CDH13: variants seen among roughly 807,000 people sequenced by gnomAD.
CDH13 encodes the protein cadherin-13.
In CDH13, 24 loss-of-function variants were observed where a neutral mutation model predicts 63.8. The ratio of observed to expected loss-of-function variants is 0.38; its 90% CI spans 0.27 to 0.53. CDH13 has a LOEUF of 0.53. CDH13 is among the 20% of genes least tolerant of loss of function. CDH13 has a pLI of 0.85. For synonymous variants in CDH13, 503 were observed against 355.3 expected (o/e 1.42, Z -4.67); for missense variants, 1,049 against 903.1 (o/e 1.16, Z -2.07).
At chr16:83,677,174 AC>A (rs1431553303) in intron 9 of CDH13, among the ~76,000 whole-genome samples, 1 of 152,216 alleles carries the variant, frequency 6.6e-6, no homozygotes, top group African/African-American at 2.4e-5. Flanking sequence ...TGCTGCACCC[AC>A]CACATCATGT....
chr16:83,519,734 A>G (rs1025776262), intron 7 of CDH13, among the ~76,000 whole-genome samples: 6 of 152,166 alleles, frequency 3.9e-5, no homozygotes, highest in Admixed American at 6.5e-5. Flanking sequence ...TGGTGCGGGG[A>G]GAGGAAAGAA....
At chr16:83,453,146 C>G (rs2072928015) in intron 6 of CDH13, among the ~76,000 whole-genome samples, 1 of 152,122 alleles carries the variant, frequency 6.6e-6, no homozygotes, top group Non-Finnish European at 1.5e-5. Flanking sequence ...TGTGTGTTCT[C>G]ATCTGTGGGA....
At chr16:83,309,135 A>C (rs1258361490) in intron 5 of CDH13, among the ~76,000 whole-genome samples, 1 of 152,072 alleles carries the variant, frequency 6.6e-6, no homozygotes, top group Non-Finnish European at 1.5e-5. Context: ...TTTCTTCTGC[A>C]TGTACATGAG....
chr16:82,745,290 C>T (rs187361563), intron 1 of CDH13, among the ~76,000 whole-genome samples: 4 of 152,198 alleles, frequency 2.6e-5, no homozygotes, highest in Admixed American at 6.5e-5. Flanking sequence ...CTTTCCCAAC[C>T]GAATGCATTA....
chr16:82,697,423 C>CTTTTTTTTTTT (rs34376129), intron 1 of CDH13, among the ~76,000 whole-genome samples: 43 of 54,884 alleles, frequency 7.8e-4, no homozygotes, highest in East Asian at 1.3e-3. Context: ...TTTCTTTTTT[C>CTTTTTTTTTTT]TTTTTTTTTT....
intron 1 of CDH13, among the ~76,000 whole-genome samples, chr16:82,739,392 T>C (rs1053017303): frequency 4.6e-5 from 7 of 152,194 alleles, no homozygotes; most frequent in African/African-American, 1.7e-4. Flanking sequence ...TTAGAAGCTT[T>C]CTTAGTCCCT....
At chr16:83,354,814 C>G (rs2091022070) in intron 6 of CDH13, among the ~76,000 whole-genome samples, 1 of 152,188 alleles carries the variant, frequency 6.6e-6, no homozygotes, top group Non-Finnish European at 1.5e-5. Flanking sequence ...AAACTATGGG[C>G]CATGGGCCAA....
intron 5 of CDH13, among the ~76,000 whole-genome samples, chr16:83,305,328 G>C (rs1158390101): frequency 6.6e-6 from 1 of 152,196 alleles, no homozygotes; most frequent in Non-Finnish European, 1.5e-5. Context: ...TCTGTTTCTA[G>C]GCATCCAGCT....
chr16:83,690,976 C>A (rs1449526580), intron 10 of CDH13, among the ~76,000 whole-genome samples: 1 of 152,078 alleles, frequency 6.6e-6, no homozygotes, highest in Non-Finnish European at 1.5e-5. Context: ...CCTGCCTCGG[C>A]CTCCCAAAGT....
chr16:82,990,547 GTTT>G (rs369121464), intron 2 of CDH13, among the ~76,000 whole-genome samples: 1 of 139,884 alleles, frequency 7.1e-6, no homozygotes, highest in African/African-American at 2.6e-5. Context: ...TTTGGTTTGG[GTTT>G]TTTTTTTTTT....
intron 1 of CDH13, among the ~76,000 whole-genome samples, chr16:82,785,525 C>T (rs558383086): frequency 6.6e-6 from 1 of 152,136 alleles, no homozygotes; most frequent in Non-Finnish European, 1.5e-5. Flanking sequence ...GAGAGAGGTA[C>T]AAGATAAATC....
intron 1 of CDH13, among the ~76,000 whole-genome samples, chr16:82,840,343 C>T (rs1293592424): frequency 6.9e-6 from 1 of 144,606 alleles, no homozygotes; most frequent in Non-Finnish European, 1.5e-5. Context: ...TGCCTTCAAA[C>T]AAGTGGGCTA....
intron 6 of CDH13, among the ~76,000 whole-genome samples, chr16:83,454,329 A>G (rs186836262): frequency 6.6e-6 from 1 of 152,338 alleles, no homozygotes; most frequent in Non-Finnish European, 1.5e-5. Context: ...ATTCCCAAAT[A>G]AGCCCAAAAG....
At chr16:83,787,617 A>C (rs1428072461) in intron 13 of CDH13, among the ~76,000 whole-genome samples, 2 of 152,194 alleles carry the variant, frequency 1.3e-5, no homozygotes, top group Non-Finnish European at 2.9e-5. Flanking sequence ...AGCACTGCCC[A>C]AAGACCAGCA....
rs1914918554 is a variant in CDH13 at position 83,675,957 on chromosome 16, T to C, written c.1285-2251T>C. Among the ~76,000 whole-genome samples the C allele has an allele frequency of 3.3e-5, 5 of 152,334 alleles. No individual in the cohort carries two copies. In the South Asian group the frequency reaches 1.0e-3, roughly 32 times the overall value. On this transcript the variant is annotated intron_variant, in intron 9 of 13. Transcript: ENST00000567109. Reference sequence around the variant, plus strand: ...TTAGAGCCCACTATGGTCCTGACACTGTGCTAGGTGCTGTGTATTCACTGG... The same window carrying C: ...TTAGAGCCCACTATGGTCCTGACACCGTGCTAGGTGCTGTGTATTCACTGG...
At chr16:82,628,877 C>G (rs1302008517) in intron 1 of CDH13, among the ~76,000 whole-genome samples, 1 of 152,244 alleles carries the variant, frequency 6.6e-6, no homozygotes, top group African/African-American at 2.4e-5. Context: ...TGTTTAACCT[C>G]TTTGAGCTTC....
intron 1 of CDH13, among the ~76,000 whole-genome samples, chr16:82,800,716 A>G (rs1447237506): frequency 1.3e-5 from 2 of 152,190 alleles, no homozygotes; most frequent in Non-Finnish European, 2.9e-5. Flanking sequence ...ACACCTCATT[A>G]TAGAAAAGAG....
At chr16:83,441,437 A>G (rs1376939999) in intron 6 of CDH13, among the ~76,000 whole-genome samples, 1 of 152,256 alleles carries the variant, frequency 6.6e-6, no homozygotes. Flanking sequence ...CCAAATATTA[A>G]CAGTGACTTT....
intron 7 of CDH13, among the ~76,000 whole-genome samples, chr16:83,515,670 C>G (rs542832775): frequency 6.6e-5 from 10 of 152,200 alleles, no homozygotes; most frequent in Non-Finnish European, 7.4e-5. Context: ...AGAGATGTTA[C>G]CAAAATATGA....
Sources: gnomAD v4.1 joint callset for allele counts (sites outside exome capture counted in the v4.1 genomes callset) on GRCh38, gnomAD v4.1.1 for gene constraint, MANE v1.5 for transcripts, NCBI Gene and HGNC (gene_info 2026-07-23, HGNC 2026-07-21) for gene names.